IQSEC1: variants seen among roughly 807,000 people sequenced by gnomAD.
IQSEC1 encodes the protein IQ motif and SEC7 domain-containing protein 1.
In IQSEC1, 31 loss-of-function variants were observed where a neutral mutation model predicts 91.0. That is an observed-to-expected ratio of 0.34 (90% confidence interval 0.26 to 0.46). The LOEUF is 0.46. IQSEC1 is among the 20% of genes least tolerant of loss of function. The probability of loss-of-function intolerance (pLI) is 1.00; values close to 1 mark genes in which losing one functional copy is unlikely to be tolerated. For synonymous variants in IQSEC1, 699 were observed against 662.6 expected, an observed-to-expected ratio of 1.05 and a Z score of -0.84; for missense variants, 1,388 against 1,575.6, an observed-to-expected ratio of 0.88 and a Z score of 2.02.
intron 2 of IQSEC1, among the ~76,000 whole-genome samples, chr3:13,142,172 G>T (rs1706811163): frequency 6.6e-6 from 1 of 152,244 alleles, no homozygotes; most frequent in African/African-American, 2.4e-5. Context: ...TATGGCTGAA[G>T]AAACGCATTC....
At chr3:13,106,304 C>A (rs979479960) in intron 2 of IQSEC1, among the ~76,000 whole-genome samples, 7 of 152,218 alleles carry the variant, frequency 4.6e-5, no homozygotes, top group African/African-American at 1.4e-4. Flanking sequence ...TGACTCTCTA[C>A]CTCCCCCAGG....
chr3:13,114,790 C>G (rs1203731327), intron 2 of IQSEC1, among the ~76,000 whole-genome samples: 1 of 104,606 alleles, frequency 9.6e-6, no homozygotes, highest in African/African-American at 5.0e-5. Flanking sequence ...GAGACATCGT[C>G]TCAAAAAAAA....
intron 3 of IQSEC1, among the ~76,000 whole-genome samples, chr3:12,926,973 A>T (rs1205280125): frequency 6.6e-6 from 1 of 152,148 alleles, no homozygotes; most frequent in African/African-American, 2.4e-5. Flanking sequence ...CCAGGATGGA[A>T]GGACCAGGGT....
chr3:13,002,833 T>A (rs1436154033), intron 1 of IQSEC1, among the ~76,000 whole-genome samples: 3 of 151,862 alleles, frequency 2.0e-5, no homozygotes, highest in Non-Finnish European at 4.4e-5. Flanking sequence ...CAATAACAAA[T>A]GTGGGACAGG....
At chr3:13,057,911 G>T (rs1470831116) in intron 1 of IQSEC1, among the ~76,000 whole-genome samples, 1 of 152,196 alleles carries the variant, frequency 6.6e-6, no homozygotes, top group African/African-American at 2.4e-5. Flanking sequence ...TGCAGCTCAG[G>T]GCCAGGAACC....
chr3:13,236,748 C>T (rs1420264712), intron 1 of IQSEC1, among the ~76,000 whole-genome samples: 1 of 152,248 alleles, frequency 6.6e-6, no homozygotes, highest in East Asian at 1.9e-4. Context: ...AGGGTGGGCT[C>T]GCTGCCATCA....
chr3:12,932,361 A>G (rs1297005566), intron 3 of IQSEC1, among the ~76,000 whole-genome samples: 2 of 152,176 alleles, frequency 1.3e-5, no homozygotes, highest in Non-Finnish European at 2.9e-5. Context: ...CAGTTCCTAC[A>G]TCATGGATTT....
chr3:13,017,859 G>GGCTCT (rs1214448806), intron 1 of IQSEC1, among the ~76,000 whole-genome samples: 1 of 152,142 alleles, frequency 6.6e-6, no homozygotes, highest in Non-Finnish European at 1.5e-5. Flanking sequence ...GAGAAGTGGC[G>GGCTCT]GCTCTGCTCT....
At chr3:13,152,071 A>G (rs1707010229) in intron 2 of IQSEC1, among the ~76,000 whole-genome samples, 1 of 152,242 alleles carries the variant, frequency 6.6e-6, no homozygotes, top group African/African-American at 2.4e-5. Context: ...TGAAAGTAAA[A>G]TAATATTTCC....
chr3:13,095,675 G>A (rs1301693811), intron 2 of IQSEC1, among the ~76,000 whole-genome samples: 2 of 152,122 alleles, frequency 1.3e-5, no homozygotes, highest in Admixed American at 1.3e-4. Flanking sequence ...ACTGGCGCTT[G>A]TAAAAGAGGT....
At position 13,108,509 on chromosome 3, in the gene IQSEC1, A is replaced by ATT. The variant is rs985775537; in HGVS notation, c.302+55593_302+55594dup. 2.0e-5 allele frequency among the ~76,000 whole-genome samples: 3 copies of ATT among 146,466 alleles called. No individual in the cohort carries two copies. The South Asian group carries it at 6.5e-4, about 32-fold the overall frequency. On this transcript the variant is annotated intron_variant, in intron 2 of 15. Coordinates refer to the IQSEC1 transcript ENST00000648114. Reference sequence around the variant, plus strand: ...CAGCGGCAATGGGCATGCACATTCTATTTTTTTTTTTAGCCACATAGCACT... The same window carrying ATT: ...CAGCGGCAATGGGCATGCACATTCTATTTTTTTTTTTTTAGCCACATAGCACT...
intron 2 of IQSEC1, among the ~76,000 whole-genome samples, chr3:13,160,119 CAG>C (rs1707150405): frequency 6.6e-6 from 1 of 152,128 alleles, no homozygotes. Flanking sequence ...TGTTTTGCCT[CAG>C]GGGAAAGTAG....
intron 1 of IQSEC1, among the ~76,000 whole-genome samples, chr3:12,963,549 A>G (rs1000065636): frequency 3.3e-5 from 5 of 152,242 alleles, no homozygotes; most frequent in African/African-American, 7.2e-5. Flanking sequence ...TTGGGGATCT[A>G]TCTGTATGCT....
chr3:13,235,787 G>C (rs1438288782), intron 1 of IQSEC1, among the ~76,000 whole-genome samples: 1 of 152,234 alleles, frequency 6.6e-6, no homozygotes, highest in East Asian at 1.9e-4. Context: ...AGTGCCTGCA[G>C]AGAGGGGAGG....
chr3:13,135,871 C>T (rs879213550), intron 2 of IQSEC1, among the ~76,000 whole-genome samples: 2 of 152,220 alleles, frequency 1.3e-5, no homozygotes, highest in African/African-American at 4.8e-5. Context: ...GGAGCCAGGT[C>T]TCCACTCATC....
At chr3:12,937,616 C>T (rs1222314450) in intron 2 of IQSEC1, among the ~76,000 whole-genome samples, 2 of 152,224 alleles carry the variant, frequency 1.3e-5, no homozygotes, top group African/African-American at 4.8e-5. Flanking sequence ...CCTCGGTTTC[C>T]TCATCTATTA....
intron 1 of IQSEC1, among the ~76,000 whole-genome samples, chr3:13,235,851 T>C (rs1694918945): frequency 6.6e-6 from 1 of 152,184 alleles, no homozygotes; most frequent in Non-Finnish European, 1.5e-5. Context: ...ACCTGGTCTT[T>C]AAATCCTGTT....
intron 1 of IQSEC1, among the ~76,000 whole-genome samples, chr3:13,239,809 C>T (rs146483908): frequency 1.5e-3 from 229 of 152,282 alleles, no homozygotes; most frequent in African/African-American, 4.9e-3. Flanking sequence ...GACCACGTTG[C>T]GAAGAGGCCC....
At position 12,920,527 on chromosome 3, in the gene IQSEC1, C is replaced by T. The variant is rs960485636; in HGVS notation, c.1923G>A (p.Leu641=). 1.9e-6 allele frequency: 3 copies of T among 1,614,074 alleles called. No individual in the cohort carries two copies. Among genetic ancestry groups the T allele is most frequent in the Non-Finnish European group, 2.5e-6 (3 of 1,180,040 alleles). ...TGTTCAGCAGGATGATGGCGAAGGCCAGGATGAAAATGGTGTCTGGGTTCC... is the reference window on the plus strand; with the variant it reads ...TGTTCAGCAGGATGATGGCGAAGGCTAGGATGAAAATGGTGTCTGGGTTCC... ...QFRNPDTIFI[L]AFAIILLNTD... Residue 641 remains leucine (L), a synonymous_variant, in exon 6 of 14, where the codon CTG becomes CTA. Coordinates refer to ENST00000613206, the MANE Select transcript of IQSEC1 (RefSeq NM_001134382.3).
Sources: allele counts gnomAD v4.1 joint callset (sites outside exome capture counted in the v4.1 genomes callset), GRCh38; gene constraint gnomAD v4.1.1; transcripts MANE v1.5; gene names NCBI Gene and HGNC (gene_info 2026-07-23, HGNC 2026-07-21).